Variants in CPQ observed in about 807,000 individuals in gnomAD.
CPQ encodes Ser-Met dipeptidase.
In CPQ, 37 loss-of-function variants were observed where a neutral mutation model predicts 45.7. The ratio of observed to expected loss-of-function variants is 0.81; its 90% CI spans 0.62 to 1.07. CPQ has a LOEUF of 1.07. Among genes scored for constraint, CPQ ranks in the 50% least tolerant of loss-of-function variants. The pLI, the probability that CPQ is intolerant of heterozygous loss-of-function variation, is 0.00. For synonymous variants in CPQ, 186 were observed against 205.8 expected (o/e 0.90, Z 0.82); for missense variants, 537 against 572.9 (o/e 0.94, Z 0.64).
intron 3 of CPQ, among the ~76,000 whole-genome samples, chr8:96,853,547 T>G (rs563481426): frequency 1.3e-5 from 2 of 149,682 alleles, no homozygotes; most frequent in South Asian, 4.2e-4. Flanking sequence ...AGCAGATGTT[T>G]ATAATACTGG....
intron 7 of CPQ, among the ~76,000 whole-genome samples, chr8:97,107,159 G>A (rs928500092): frequency 6.6e-6 from 1 of 152,160 alleles, no homozygotes; most frequent in South Asian, 2.1e-4. Context: ...GGCCAAAATG[G>A]AGGCCTATAT....
intron 4 of CPQ, among the ~76,000 whole-genome samples, chr8:96,955,478 C>T (rs978922579): frequency 2.0e-5 from 3 of 152,082 alleles, no homozygotes; most frequent in African/African-American, 7.2e-5. Context: ...AATGCCATCC[C>T]CATCAAGCTA....
intron 7 of CPQ, among the ~76,000 whole-genome samples, chr8:97,106,331 C>T (rs1235927988): frequency 6.6e-6 from 1 of 152,188 alleles, no homozygotes; most frequent in Non-Finnish European, 1.5e-5. Flanking sequence ...CGGGTTCTGA[C>T]CCTATCTTTG....
intron 7 of CPQ, among the ~76,000 whole-genome samples, chr8:97,119,809 T>C (rs1811667351): frequency 2.0e-5 from 3 of 152,178 alleles, no homozygotes; most frequent in Admixed American, 2.0e-4. Flanking sequence ...CCCTTTATCC[T>C]CTGAAGACTG....
chr8:96,831,348 A>C (rs1811458632), intron 2 of CPQ, among the ~76,000 whole-genome samples: 1 of 152,154 alleles, frequency 6.6e-6, no homozygotes, highest in African/African-American at 2.4e-5. Flanking sequence ...AAAAAAATTA[A>C]ACAAGCTAAG....
chr8:96,761,214 A>G (rs1810400516), intron 1 of CPQ: 1 of 152,184 alleles, frequency 6.6e-6, no homozygotes, highest in African/African-American at 2.4e-5. Flanking sequence ...GTGCTGGTTA[A>G]GCTTTTGGCT....
chr8:96,709,384 T>C (rs1003602325), intron 1 of CPQ, among the ~76,000 whole-genome samples: 4 of 151,088 alleles, frequency 2.6e-5, no homozygotes, highest in Non-Finnish European at 4.5e-5. Context: ...TTACTTGGAA[T>C]AATGGCCTCC....
At chr8:96,893,113 G>T (rs1812398792) in intron 4 of CPQ, among the ~76,000 whole-genome samples, 1 of 152,194 alleles carries the variant, frequency 6.6e-6, no homozygotes, top group Admixed American at 6.5e-5. Context: ...AGAGGTCACA[G>T]AATTTGCAAA....
chr8:96,718,375 C>G (rs959420275), intron 1 of CPQ, among the ~76,000 whole-genome samples: 22 of 152,018 alleles, frequency 1.4e-4, no homozygotes, highest in African/African-American at 5.3e-4. Context: ...CTGGTGGGTT[C>G]GTGGTCTCAC....
At chr8:97,038,946 C>G (rs567381840) in intron 6 of CPQ, among the ~76,000 whole-genome samples, 6 of 151,724 alleles carry the variant, frequency 4.0e-5, no homozygotes, top group Non-Finnish European at 7.4e-5. Flanking sequence ...TCTTATATCA[C>G]GGTCACAGCT....
At chr8:96,833,488 C>G (rs932634110) in intron 2 of CPQ, among the ~76,000 whole-genome samples, 1 of 152,120 alleles carries the variant, frequency 6.6e-6, no homozygotes, top group Admixed American at 6.6e-5. Flanking sequence ...GACTATCGAA[C>G]CTGTTATTCA....
At chr8:97,130,162 ATTAG>A (rs553020650) in intron 7 of CPQ, among the ~76,000 whole-genome samples, 232 of 152,306 alleles carry the variant, frequency 1.5e-3, no homozygotes, top group African/African-American at 5.4e-3. Flanking sequence ...TACCAGTTTA[ATTAG>A]TTAGTAAAGG....
At chr8:96,804,846 C>T (rs1299383652) in intron 2 of CPQ, among the ~76,000 whole-genome samples, 1 of 151,866 alleles carries the variant, frequency 6.6e-6, no homozygotes, top group Non-Finnish European at 1.5e-5. Flanking sequence ...ATTGTACTCT[C>T]CTCAACCTTA....
intron 1 of CPQ, among the ~76,000 whole-genome samples, chr8:96,741,083 G>A (rs546270230): frequency 9.2e-5 from 14 of 152,230 alleles, no homozygotes; most frequent in South Asian, 4.1e-4. Flanking sequence ...GGTAGAATTC[G>A]GCTGTGAATC....
chr8:97,087,304 A>G (rs986804293), intron 7 of CPQ, among the ~76,000 whole-genome samples: 1 of 152,192 alleles, frequency 6.6e-6, no homozygotes, highest in Non-Finnish European at 1.5e-5. Context: ...GACAGAAGGA[A>G]TGGCCTTGCA....
At chr8:97,039,062 G>T (rs1810059886) in intron 6 of CPQ, among the ~76,000 whole-genome samples, 1 of 152,130 alleles carries the variant, frequency 6.6e-6, no homozygotes, top group Non-Finnish European at 1.5e-5. Context: ...TTACAAGGTT[G>T]CAGTTGTTTC....
At chr8:96,739,863 A>G (rs1359722844) in intron 1 of CPQ, among the ~76,000 whole-genome samples, 1 of 151,992 alleles carries the variant, frequency 6.6e-6, no homozygotes, top group Non-Finnish European at 1.5e-5. Context: ...TGGTTACTGT[A>G]GCCTAGTAGT....
intron 7 of CPQ, among the ~76,000 whole-genome samples, chr8:97,114,635 C>T (rs1235945218): frequency 2.6e-5 from 4 of 152,292 alleles, no homozygotes; most frequent in Non-Finnish European, 5.9e-5. Flanking sequence ...ATTAAACTCA[C>T]TGCATGGAAG....
At chr8:96,815,528 AAG>A (rs1811216662) in intron 2 of CPQ, among the ~76,000 whole-genome samples, 1 of 151,938 alleles carries the variant, frequency 6.6e-6, no homozygotes, top group African/African-American at 2.4e-5. Flanking sequence ...GAAAGAAAGA[AAG>A]AGAAAGAAAG....
Sources: allele counts gnomAD v4.1 joint callset (sites outside exome capture counted in the v4.1 genomes callset), GRCh38; gene constraint gnomAD v4.1.1; transcripts MANE v1.5; gene names NCBI Gene and HGNC (gene_info 2026-07-23, HGNC 2026-07-21).